Variants in KIAA0825 observed in about 807,000 individuals in gnomAD.
KIAA0825 encodes KIAA0825.
A neutral mutation model predicts 147.6 loss-of-function variants in KIAA0825; 119 were observed. That is an observed-to-expected ratio of 0.81 (90% CI 0.69 to 0.94). The LOEUF is 0.94. Among genes scored for constraint, KIAA0825 ranks in the 40% least tolerant of loss-of-function variants. The pLI, the probability that KIAA0825 is intolerant of heterozygous loss-of-function variation, is 0.00. For missense variants in KIAA0825, 1,381 were observed against 1,472.7 expected (o/e 0.94, Z 1.02); for synonymous variants, 470 against 518.1 (o/e 0.91, Z 1.26).
intron 5 of KIAA0825, chr5:94,519,323 AT>A (rs1250928068): frequency 1.1e-6 from 1 of 904,386 alleles, no homozygotes; most frequent in Non-Finnish European, 1.3e-6. Context: ...CCAAATAATA[AT>A]TTTCAAATAC....
At chr5:94,386,889 C>T (rs1023567500) in intron 18 of KIAA0825, among the ~76,000 whole-genome samples, 3 of 152,142 alleles carry the variant, frequency 2.0e-5, no homozygotes, top group African/African-American at 7.2e-5. Context: ...AATTATAATG[C>T]AAGCTCCTAA....
At chr5:94,493,272 C>T (rs1343901073) in intron 5 of KIAA0825, among the ~76,000 whole-genome samples, 1 of 152,160 alleles carries the variant, frequency 6.6e-6, no homozygotes, top group Non-Finnish European at 1.5e-5. Context: ...AATTAAATAT[C>T]TTAACACATT....
chr5:94,396,742 C>T (rs1562456750), intron 16 of KIAA0825, among the ~76,000 whole-genome samples: 2 of 151,448 alleles, frequency 1.3e-5, no homozygotes, highest in African/African-American at 4.9e-5. Context: ...AATTTAGACT[C>T]ATAATTTATA....
intron 12 of KIAA0825, among the ~76,000 whole-genome samples, chr5:94,453,320 A>G (rs140995909): frequency 2.4e-3 from 362 of 148,054 alleles, no homozygotes; most frequent in African/African-American, 8.3e-3. Context: ...TTACAGGCAT[A>G]TGCTGCCACG....
chr5:94,554,112 A>G (rs1174677586), intron 2 of KIAA0825, among the ~76,000 whole-genome samples: 1 of 152,244 alleles, frequency 6.6e-6, no homozygotes, highest in Non-Finnish European at 1.5e-5. Flanking sequence ...CTATGGTGAT[A>G]GGAGAGATCC....
At chr5:94,492,072 T>G (rs1442290830) in intron 5 of KIAA0825, among the ~76,000 whole-genome samples, 1 of 152,208 alleles carries the variant, frequency 6.6e-6, no homozygotes, top group Non-Finnish European at 1.5e-5. Context: ...AACATTTAAC[T>G]CTTAGAAGCT....
intron 20 of KIAA0825, among the ~76,000 whole-genome samples, chr5:94,359,142 A>G (rs1050040825): frequency 6.6e-6 from 1 of 152,226 alleles, no homozygotes; most frequent in Non-Finnish European, 1.5e-5. Context: ...ATTGTGATAT[A>G]AATGATTTCA....
Position 94,214,478 on chromosome 5 carries a change from C to A in KIAA0825, c.3711-60354G>T, listed in dbSNP as rs189140321. Among the ~76,000 whole-genome samples, 14 of 152,198 alleles carry A rather than the reference C, an allele frequency of 9.2e-5. No homozygotes were observed. The East Asian group carries it at 2.7e-3, about 29-fold the overall frequency. On this transcript the variant is annotated intron_variant, in intron 20 of 20. Transcript: ENST00000682413. ...CATCCTCTCCTGATGGTAGCATCAC[C>A]CTTCCCTTCCCCCAATACCTGAAGT...
At chr5:94,205,300 T>TATATA (rs1554242872) in intron 20 of KIAA0825, among the ~76,000 whole-genome samples, 23 of 133,894 alleles carry the variant, frequency 1.7e-4, no homozygotes, top group African/African-American at 3.1e-4. Context: ...TATATATATA[T>TATATA]TTTGTTTTGT....
chr5:94,484,890 G>A lies in KIAA0825; in HGVS notation c.1011C>T (p.Leu337=). 6.5e-7 allele frequency: 1 copy of A among 1,529,708 alleles called. No individual in the cohort carries two copies. Among genetic ancestry groups the A allele is most frequent in the Non-Finnish European group, 8.8e-7 (1 of 1,131,856 alleles). The allele number at this position is 1,529,708 out of a possible 1,614,324, so 94.8% of individuals were successfully genotyped here. The change falls in exon 6 of 21, where the codon CTC becomes CTT. Residue 337 remains leucine, a synonymous_variant. Transcript: ENST00000682413. ...ECPQKGRNFS[L]PLDKVEFLSQ... Reference sequence around the variant, plus strand: ...ATAAGAATTCGACTTTGTCTAAAGGGAGAGAGAAGTTTCTTCCTTTCTGTG... The same window carrying A: ...ATAAGAATTCGACTTTGTCTAAAGGAAGAGAGAAGTTTCTTCCTTTCTGTG...
intron 20 of KIAA0825, among the ~76,000 whole-genome samples, chr5:94,291,757 T>C (rs898534602): frequency 4.6e-5 from 7 of 152,198 alleles, no homozygotes; most frequent in African/African-American, 1.7e-4. Context: ...TGGAATGTTT[T>C]TCCATTTGTT....
intron 20 of KIAA0825, among the ~76,000 whole-genome samples, chr5:94,379,411 A>G (rs1374310773): frequency 1.3e-5 from 2 of 152,172 alleles, no homozygotes; most frequent in African/African-American, 4.8e-5. Flanking sequence ...AGATGGTTGT[A>G]GCTCTGTGGC....
In KIAA0825 at chr5:94,152,849, AAAAAAAT is replaced by A. The variant is rs1766634106; in HGVS notation, c.*1151_*1157del. The A allele has an allele frequency of 2.1e-4, 5 of 23,524 alleles. No individual in the cohort carries two copies. Among genetic ancestry groups the A allele is most frequent in the African/African-American group, 4.2e-4 (3 of 7,182 alleles). 1.5% of individuals were successfully genotyped at this position (23,524 alleles called of 1,614,324 possible). A position where few individuals can be genotyped will look rare whatever the true frequency, so the allele number is the denominator to read the frequency against. The stretch of plus-strand genomic sequence containing the variant: ...AAAAAAAAAAAAAAAAAAAAAAAAA[AAAAAAAT>A]TATATATATATATATATATATATAT... On this transcript the variant is annotated 3_prime_UTR_variant, in exon 21 of 21. Coordinates refer to ENST00000682413, the MANE Select transcript of KIAA0825 (RefSeq NM_001145678.3).
At chr5:94,500,312 A>G (rs960146069) in intron 5 of KIAA0825, among the ~76,000 whole-genome samples, 1 of 152,214 alleles carries the variant, frequency 6.6e-6, no homozygotes, top group Non-Finnish European at 1.5e-5. Context: ...AAGACAAGAC[A>G]AAAGTATTTT....
intron 18 of KIAA0825, among the ~76,000 whole-genome samples, chr5:94,388,423 T>C (rs1749467852): frequency 6.6e-6 from 1 of 152,176 alleles, no homozygotes; most frequent in Admixed American, 6.5e-5. Flanking sequence ...ACATGGACTC[T>C]TACTAAACAT....
chr5:94,479,254 T>C (rs148856225), intron 6 of KIAA0825, among the ~76,000 whole-genome samples: 1 of 152,072 alleles, frequency 6.6e-6, no homozygotes, highest in African/African-American at 2.4e-5. Flanking sequence ...TACACATCCC[T>C]CCTCCCCATA....
chr5:94,229,107 C>T (rs1774461063), intron 20 of KIAA0825, among the ~76,000 whole-genome samples: 1 of 152,182 alleles, frequency 6.6e-6, no homozygotes, highest in Non-Finnish European at 1.5e-5. Context: ...TCTTTGCTTC[C>T]CTCCTGTGTT....
At chr5:94,388,367 T>C (rs1749459418) in intron 18 of KIAA0825, among the ~76,000 whole-genome samples, 1 of 152,178 alleles carries the variant, frequency 6.6e-6, no homozygotes, top group African/African-American at 2.4e-5. Context: ...TTGTAGAGCA[T>C]ATCTTTTTAG....
intron 5 of KIAA0825, among the ~76,000 whole-genome samples, chr5:94,487,499 C>T (rs1763194703): frequency 6.6e-6 from 1 of 152,200 alleles, no homozygotes; most frequent in African/African-American, 2.4e-5. Flanking sequence ...TTTTACCTCA[C>T]AGTATCTCAT....
Sources: gnomAD v4.1 joint callset for allele counts (sites outside exome capture counted in the v4.1 genomes callset) on GRCh38, gnomAD v4.1.1 for gene constraint, MANE v1.5 for transcripts, NCBI Gene and HGNC (gene_info 2026-07-23, HGNC 2026-07-21) for gene names.